Variants in GAREM1 observed in about 807,000 individuals in gnomAD.
GAREM1 encodes GRB2-associated and regulator of MAPK protein 1.
In GAREM1, 26 loss-of-function variants were observed where a neutral mutation model predicts 71.3. The ratio of observed to expected loss-of-function variants is 0.36; its 90% CI spans 0.27 to 0.51. GAREM1 has a LOEUF of 0.51. Among genes scored for constraint, GAREM1 ranks in the 20% least tolerant of loss-of-function variants. The pLI, the probability that GAREM1 is intolerant of heterozygous loss-of-function variation, is 0.95. For missense variants in GAREM1, 1,026 were observed against 1,103.1 expected, an observed-to-expected ratio of 0.93 and a Z score of 0.99; for synonymous variants, 440 against 433.2, an observed-to-expected ratio of 1.02 and a Z score of -0.20.
At position 32,446,754 on chromosome 18, in the gene GAREM1, A is replaced by T. The variant is rs557552133; in HGVS notation, c.121+23554T>A. 1.7e-3 allele frequency among the ~76,000 whole-genome samples: 261 copies of T among 152,296 alleles called. 1 individual carries two copies. The highest frequency in any genetic ancestry group is 2.7e-3 in the Non-Finnish European group (183 of 68,018). The stretch of plus-strand genomic sequence containing the variant: ...TTGTATGAGGCTTCCTGAGCTGATT[A>T]TTATTGCTTCCATCAACACTTTTTC... On this transcript the variant is annotated intron_variant, in intron 1 of 5. Coordinates refer to ENST00000269209, the MANE Select transcript of GAREM1 (RefSeq NM_001242409.2).
At chr18:32,453,401 T>G (rs535313238) in intron 1 of GAREM1, among the ~76,000 whole-genome samples, 2 of 152,116 alleles carry the variant, frequency 1.3e-5, no homozygotes, top group African/African-American at 4.8e-5. Context: ...AATAGAAAAT[T>G]TATTCTGTCA....
chr18:32,344,903 T>C (rs544984176), intron 2 of GAREM1, among the ~76,000 whole-genome samples: 1 of 151,884 alleles, frequency 6.6e-6, no homozygotes, highest in Admixed American at 6.6e-5. Flanking sequence ...CTACTAAAAA[T>C]ACAAAAAAAT....
intron 1 of GAREM1, among the ~76,000 whole-genome samples, chr18:32,466,445 T>C (rs978449524): frequency 1.3e-5 from 2 of 152,232 alleles, no homozygotes; most frequent in African/African-American, 2.4e-5. Flanking sequence ...AGTTACAATA[T>C]GCTGAGAAAT....
intron 3 of GAREM1, among the ~76,000 whole-genome samples, chr18:32,304,294 G>A (rs141658430): frequency 2.6e-5 from 4 of 151,608 alleles, no homozygotes; most frequent in Non-Finnish European, 5.9e-5. Context: ...GTGACAGAGC[G>A]AGACTCTGTC....
chr18:32,343,311 G>GTTTTTTT (rs35086441), intron 2 of GAREM1, among the ~76,000 whole-genome samples: 4 of 118,886 alleles, frequency 3.4e-5, no homozygotes, highest in African/African-American at 1.3e-4. Context: ...CTCCCCCACT[G>GTTTTTTT]TTTTTTTTTT....
chr18:32,394,327 G>A (rs1454387633), intron 1 of GAREM1, among the ~76,000 whole-genome samples: 3 of 152,104 alleles, frequency 2.0e-5, no homozygotes, highest in East Asian at 1.9e-4. Flanking sequence ...GCTTGAGCCC[G>A]GGAGGTGGAG....
intron 4 of GAREM1, among the ~76,000 whole-genome samples, chr18:32,278,866 G>A (rs543144942): frequency 6.6e-6 from 1 of 152,254 alleles, no homozygotes; most frequent in Non-Finnish European, 1.5e-5. Flanking sequence ...TCTTAGATGC[G>A]TGAGCTTCTT....
At chr18:32,273,514 G>A (rs995880984) in intron 4 of GAREM1, among the ~76,000 whole-genome samples, 1 of 152,152 alleles carries the variant, frequency 6.6e-6, no homozygotes, top group African/African-American at 2.4e-5. Context: ...GACTCCTGAA[G>A]GGCTAATAGG....
chr18:32,319,779 C>T (rs970454904), intron 2 of GAREM1, among the ~76,000 whole-genome samples: 6 of 152,184 alleles, frequency 3.9e-5, no homozygotes, highest in Non-Finnish European at 7.3e-5. Flanking sequence ...CATAATGCTA[C>T]GCTTTTCAAA....
In GAREM1 at chr18:32,263,932, A is replaced by G. The variant is rs937635056; in HGVS notation, c.*3939T>C. ...TCTGATAAGCTCTATTACAAAATTTATAGCCTAAAAATTAGAGCAGCAAAA... is the reference window on the plus strand; with the variant it reads ...TCTGATAAGCTCTATTACAAAATTTGTAGCCTAAAAATTAGAGCAGCAAAA... On this transcript the variant is annotated 3_prime_UTR_variant, in exon 6 of 6. Transcript: ENST00000269209. 1.3e-5 allele frequency: 2 copies of G among 152,264 alleles called. No homozygotes were observed. Among genetic ancestry groups the G allele is most frequent in the African/African-American group, 4.8e-5 (2 of 41,472 alleles). 9.4% of individuals were successfully genotyped at this position (152,264 alleles called of 1,614,324 possible).
intron 2 of GAREM1, among the ~76,000 whole-genome samples, chr18:32,384,406 A>G (rs1039775947): frequency 6.6e-6 from 1 of 152,258 alleles, no homozygotes; most frequent in Non-Finnish European, 1.5e-5. Context: ...AAAATGCCAT[A>G]TAAGAGTTCA....
intron 4 of GAREM1, among the ~76,000 whole-genome samples, chr18:32,286,581 T>C (rs2047019985): frequency 6.6e-6 from 1 of 152,176 alleles, no homozygotes; most frequent in Admixed American, 6.5e-5. Flanking sequence ...ATTGCTCTCT[T>C]TTCTTCATGC....
At chr18:32,459,551 C>T (rs2048931835) in intron 1 of GAREM1, among the ~76,000 whole-genome samples, 2 of 151,732 alleles carry the variant, frequency 1.3e-5, no homozygotes, top group African/African-American at 4.8e-5. Flanking sequence ...TAATCTGAAC[C>T]TCCTAAAGTG....
chr18:32,460,853 A>T (rs1382195985), intron 1 of GAREM1, among the ~76,000 whole-genome samples: 1 of 152,228 alleles, frequency 6.6e-6, no homozygotes, highest in Non-Finnish European at 1.5e-5. Flanking sequence ...TGATAATACC[A>T]AAGATTAAAA....
chr18:32,334,562 G>A lies in GAREM1; in HGVS notation c.263-24239C>T, dbSNP rs138596552. 5.7e-4 allele frequency among the ~76,000 whole-genome samples: 87 copies of A among 152,282 alleles called. No individual in the cohort carries two copies. In the East Asian group the frequency reaches 0.012, roughly 21 times the overall value. On this transcript the variant is annotated intron_variant, in intron 2 of 5. Coordinates refer to ENST00000269209, the MANE Select transcript of GAREM1 (RefSeq NM_001242409.2). The stretch of plus-strand genomic sequence containing the variant: ...TTATGCAGCAAAAGATATTTCCCCC[G>A]AGTGGGGTTCCACATGGAAGCGGAG...
At chr18:32,435,748 GC>G (rs1414451494) in intron 1 of GAREM1, among the ~76,000 whole-genome samples, 9 of 152,298 alleles carry the variant, frequency 5.9e-5, no homozygotes, top group African/African-American at 2.2e-4. Flanking sequence ...TCTCTGAAGA[GC>G]TACTGTGGCT....
Position 32,268,763 on chromosome 18 carries a change from A to G in GAREM1, c.1739T>C (p.Val580Ala). The change falls in exon 6 of 6, where the codon GTC becomes GCC. Residue 580 changes from valine to alanine, a missense_variant. By Grantham distance (64) the Val-to-Ala change is moderately conservative. Transcript: ENST00000269209. ...YYSSGLHNIS[V>A]TKTDTNPSES... ...AGAAGGATTTGTGTCAGTTTTAGTG[A>G]CGCTGCTTAAAAGCAAACACAGAAG... 2.5e-6 allele frequency: 4 copies of G among 1,612,508 alleles called. No individual in the cohort carries two copies. The highest frequency in any genetic ancestry group is 1.7e-6 in the Non-Finnish European group (2 of 1,178,976).
chr18:32,370,648 C>CA (rs2047969180), intron 2 of GAREM1, among the ~76,000 whole-genome samples: 1 of 152,142 alleles, frequency 6.6e-6, no homozygotes, highest in Admixed American at 6.5e-5. Context: ...TGTGCCCCTC[C>CA]AAACTGATTG....
Position 32,470,801 on chromosome 18 carries a change from A to G in GAREM1, c.-373T>C, listed in dbSNP as rs1017977233. 6.8e-6 allele frequency among the ~76,000 whole-genome samples: 1 copy of G among 147,670 alleles called. No homozygotes were observed. The highest frequency in any genetic ancestry group is 2.1e-4 in the South Asian group (1 of 4,696). ...CGCCCGCTCGCCTCCTCCTCCTCTT[A>G]CCCCTCCTTCCCTCCGCCTCGAGCG... On this transcript the variant is annotated 5_prime_UTR_variant, in exon 1 of 6. Transcript: ENST00000269209. The surrounding 1 kb of genome is among the most constrained non-coding windows in gnomAD (Gnocchi z 4.4).
Sources: gnomAD v4.1 joint callset for allele counts (sites outside exome capture counted in the v4.1 genomes callset) on GRCh38, gnomAD v4.1.1 for gene constraint, Gnocchi (gnomAD v3.1) non-coding constraint, MANE v1.5 for transcripts, NCBI Gene and HGNC (gene_info 2026-07-23, HGNC 2026-07-21) for gene names.